Variants in ECPAS observed in about 807,000 individuals in gnomAD.
ECPAS encodes Ecm29 proteasome adaptor and scaffold, also known as proteasome adapter and scaffold protein ECM29.
ECPAS carries 70 observed loss-of-function variants against 255.1 expected under a neutral mutation model. The ratio of observed to expected loss-of-function variants is 0.27; its 90% CI spans 0.23 to 0.33. The LOEUF is 0.33. ECPAS is among the 10% of genes least tolerant of loss of function. The pLI is 1.00. For missense variants in ECPAS, 1,817 were observed against 2,206.4 expected (o/e 0.82, Z 3.54); for synonymous variants, 784 against 775.0 (o/e 1.01, Z -0.19).
intron 2 of ECPAS, among the ~76,000 whole-genome samples, chr9:111,465,061 C>T (rs2098277797): frequency 6.6e-6 from 1 of 151,616 alleles, no homozygotes; most frequent in Non-Finnish European, 1.5e-5. Context: ...TAGCTTAAGC[C>T]CGGGAGGTGG....
intron 26 of ECPAS, 45 bp downstream of exon 26, chr9:111,394,115 A>G: frequency 6.5e-7 from 1 of 1,536,772 alleles, no homozygotes; most frequent in Non-Finnish European, 8.7e-7. Context: ...GCTACTTATA[A>G]TACTGTGGTT....
chr9:111,437,828 A>G (rs2098240335), intron 6 of ECPAS, among the ~76,000 whole-genome samples: 1 of 152,166 alleles, frequency 6.6e-6, no homozygotes, highest in South Asian at 2.1e-4. Flanking sequence ...TTTTGATCCA[A>G]TTAAACTGGT....
intron 32 of ECPAS, among the ~76,000 whole-genome samples, chr9:111,385,739 C>T (rs1408816030): frequency 2.0e-5 from 3 of 152,076 alleles, no homozygotes; most frequent in Non-Finnish European, 2.9e-5. Context: ...CACTGGGCAC[C>T]GAATGAATCT....
chr9:111,376,348 C>A (rs1198713504), intron 37 of ECPAS, 128 bp downstream of exon 37: 1 of 666,248 alleles, frequency 1.5e-6, no homozygotes, highest in Non-Finnish European at 2.6e-6. Context: ...TAAGAAAAAA[C>A]TGGAGTCACA....
intron 2 of ECPAS, among the ~76,000 whole-genome samples, chr9:111,454,311 G>GGGGGGAGAT (rs1213074299): frequency 6.8e-6 from 1 of 146,566 alleles, no homozygotes; most frequent in African/African-American, 2.5e-5. Flanking sequence ...GGGGGGAGAT[G>GGGGGGAGAT]GGGGGGTGGG....
At chr9:111,406,729 C>T (rs1185215205) in intron 24 of ECPAS, among the ~76,000 whole-genome samples, 1 of 149,010 alleles carries the variant, frequency 6.7e-6, no homozygotes, top group Admixed American at 6.6e-5. Context: ...CACAGGGATA[C>T]CCTGTCTCTA....
chr9:111,387,377 C>G (rs1281513412), intron 31 of ECPAS, among the ~76,000 whole-genome samples: 5 of 151,986 alleles, frequency 3.3e-5, no homozygotes, highest in African/African-American at 1.2e-4. Flanking sequence ...TATTGAGGGA[C>G]AGAGTCTCAC....
At chr9:111,444,297 G>T in intron 4 of ECPAS, 81 bp downstream of exon 4, 1 of 891,728 alleles carries the variant, frequency 1.1e-6, no homozygotes, top group Non-Finnish European at 1.8e-6. Flanking sequence ...TTCTAAACTT[G>T]CCAATATGTT....
At chr9:111,455,357 G>A (rs2098265600) in intron 2 of ECPAS, among the ~76,000 whole-genome samples, 1 of 152,154 alleles carries the variant, frequency 6.6e-6, no homozygotes, top group Admixed American at 6.5e-5. Flanking sequence ...GGTGGCGGGT[G>A]CCTGTAGTCC....
At chr9:111,383,968 T>TATCATCATC (rs55718434) in intron 34 of ECPAS, among the ~76,000 whole-genome samples, 20 of 150,970 alleles carry the variant, frequency 1.3e-4, no homozygotes, top group South Asian at 8.4e-4. Context: ...TTTGAAGTGT[T>TATCATCATC]ATCATCATCA....
At chr9:111,384,001 C>T (rs988415929) in intron 34 of ECPAS, among the ~76,000 whole-genome samples, 1 of 149,564 alleles carries the variant, frequency 6.7e-6, no homozygotes, top group Admixed American at 6.6e-5. Flanking sequence ...TCATCAATAA[C>T]GCTGGGTCAC....
In ECPAS at chr9:111,420,099, C is replaced by G; in HGVS notation, c.1477G>C (p.Val493Leu). ...LIKPEVQVRQVAVKFASTVFP... is the reference protein window; with the variant it reads ...LIKPEVQVRQLAVKFASTVFP... ...ACCGTACTGGCAAATTTCACAGCCA[C>G]TTGTCGAACTTGAACTTCAGGCTAT... Residue 493 changes from valine to leucine, a missense_variant, in exon 16 of 50, where the codon GTG (valine) becomes CTG (leucine). By Grantham distance (32) the Val-to-Leu change is conservative. Coordinates refer to ENST00000684092, the MANE Select transcript of ECPAS (RefSeq NM_001364929.1). 1 of 1,612,424 alleles carries G rather than the reference C, an allele frequency of 6.2e-7. No homozygotes were observed. The highest frequency in any genetic ancestry group is 8.5e-7 in the Non-Finnish European group (1 of 1,178,990).
chr9:111,362,275 T>A (rs2098114491), intron 49 of ECPAS, 106 bp from the exon 50 acceptor site: 1 of 886,268 alleles, frequency 1.1e-6, no homozygotes. Context: ...TTTAAAAATA[T>A]CCTATCCCCC....
At chr9:111,468,195 G>C (rs7852212) in intron 2 of ECPAS, among the ~76,000 whole-genome samples, 107,230 of 151,906 alleles carry the variant, frequency 0.71, 38,367 homozygotes, top group African/African-American at 0.81. Flanking sequence ...CCCAGAGAGG[G>C]CTTTACCCTC....
chr9:111,414,471 T>A lies in ECPAS; in HGVS notation c.1945A>T (p.Ile649Phe). Residue 649 changes from isoleucine (I) to phenylalanine (F), a missense_variant, in exon 19 of 50, where the codon ATC becomes TTC. Ile to Phe is a conservative substitution (Grantham distance 21, BLOSUM62 0). Coordinates refer to ENST00000684092, the MANE Select transcript of ECPAS (RefSeq NM_001364929.1). The part of the protein sequence containing the change: ...NKSGETNPVQ[I>F]YIGLLQQLLA... ...AGCTGCTGAAGCAGGCCAATGTAGA[T>A]CTGGACAGGGTTAGTCTCCCCACTC... 6.2e-7 allele frequency: 1 copy of A among 1,614,020 alleles called. No individual in the cohort carries two copies. The highest frequency in any genetic ancestry group is 8.5e-7 in the Non-Finnish European group (1 of 1,179,872).
At chr9:111,387,217 G>A (rs562764830) in intron 31 of ECPAS, among the ~76,000 whole-genome samples, 72 of 152,298 alleles carry the variant, frequency 4.7e-4, no homozygotes, top group African/African-American at 1.7e-3. Flanking sequence ...CATCAGTGCA[G>A]TTACTGAGGG....
intron 36 of ECPAS, among the ~76,000 whole-genome samples, chr9:111,377,149 A>G (rs898037905): frequency 6.6e-6 from 1 of 152,172 alleles, no homozygotes; most frequent in Admixed American, 6.5e-5. Flanking sequence ...TGAAAGAGGG[A>G]AAAATAATGA....
In ECPAS at chr9:111,451,589, G is replaced by C. The variant is rs770280562; in HGVS notation, c.23-34C>G. ...TAAAAAGAAAAAAAGAGAGAACTTA[G>C]CAAGCCAAACACAACCAAGACCAAT... On this transcript the variant is annotated intron_variant, in intron 2 of 49. Coordinates refer to ENST00000684092, the MANE Select transcript of ECPAS (RefSeq NM_001364929.1). 10 of 1,512,154 alleles carry C rather than the reference G, an allele frequency of 6.6e-6. No homozygotes were observed. In the Admixed American group the frequency reaches 2.3e-4, roughly 35 times the overall value. 93.7% of individuals were successfully genotyped at this position (1,512,154 alleles called of 1,614,324 possible).
Position 111,397,046 on chromosome 9 carries a change from T to C in ECPAS, c.2760A>G (p.Glu920=), listed in dbSNP as rs762817236. ...ARDAWQMTEE[E]YTPPAGAKVN... ...ATTTGGTACCAGCAGGTGGAGTATA[T>C]TCCTCTTCAGTCATTTGCCAGGCAT... is the stretch of plus-strand genomic sequence containing the variant. Residue 920 remains glutamate (E), a synonymous_variant, in exon 25 of 50, where the codon GAA becomes GAG. Transcript: ENST00000684092. 5.0e-6 allele frequency: 8 copies of C among 1,613,976 alleles called. No individual in the cohort carries two copies. The South Asian group carries it at 7.7e-5, about 16-fold the overall frequency.
Sources: allele counts gnomAD v4.1 joint callset (sites outside exome capture counted in the v4.1 genomes callset), GRCh38; gene constraint gnomAD v4.1.1; transcripts MANE v1.5; gene names NCBI Gene and HGNC (gene_info 2026-07-23, HGNC 2026-07-21).